The following WNT3A variants were observed in gnomAD, a reference collection of about 807,000 sequenced individuals.
WNT3A encodes Wnt family member 3A, also known as protein Wnt-3a.
WNT3A carries 17 observed loss-of-function variants against 37.0 expected under a neutral mutation model. That is an observed-to-expected ratio of 0.46 (90% CI 0.31 to 0.69). The LOEUF (loss-of-function observed/expected upper bound fraction) is 0.69, where lower values mean the gene tolerates loss of function less well. WNT3A is among the 30% of genes least tolerant of loss of function. WNT3A has a pLI of 0.05. For synonymous variants in WNT3A, 187 were observed against 211.0 expected (o/e 0.89, Z 0.99); for missense variants, 411 against 510.2 (o/e 0.81, Z 1.87).
At chr1:228,057,288 G>A (rs1395876954) in intron 3 of WNT3A, among the ~76,000 whole-genome samples, 1 of 152,160 alleles carries the variant, frequency 6.6e-6, no homozygotes, top group Non-Finnish European at 1.5e-5. Flanking sequence ...GTGTGGTGGA[G>A]TAAGGAGAGA....
At chr1:228,052,194 G>C (rs557621944) in intron 3 of WNT3A, among the ~76,000 whole-genome samples, 1 of 152,194 alleles carries the variant, frequency 6.6e-6, no homozygotes, top group South Asian at 2.1e-4. Context: ...GGTCTTGCTG[G>C]ATACAGTGGC....
rs764847553 is a variant in WNT3A at position 228,007,090 on chromosome 1, G to C, written c.-39G>C. ...GGCCCCCCCCGGCGCTCACGCTCTC[G>C]GGGCGGACTCCCGGCCCTCCGCGCC... On this transcript the variant is annotated 5_prime_UTR_variant, in exon 1 of 4. Coordinates refer to ENST00000284523, the MANE Select transcript of WNT3A (RefSeq NM_033131.4). This position sits in a 1 kb window ranked among gnomAD's most constrained non-coding sequence, Gnocchi z 6.0. 9 of 1,491,388 alleles carry C rather than the reference G, an allele frequency of 6.0e-6. No individual in the cohort carries two copies. Among genetic ancestry groups the C allele is most frequent in the African/African-American group, 1.5e-5 (1 of 68,280 alleles). The allele number at this position is 1,491,388 out of a possible 1,614,324, so 92.4% of individuals were successfully genotyped here.
Position 228,037,736 on chromosome 1 carries a change from G to A in WNT3A, c.314-12920G>A, listed in dbSNP as rs1270021087. Among the ~76,000 whole-genome samples, 1 of 152,212 alleles carries A rather than the reference G, an allele frequency of 6.6e-6. No individual in the cohort carries two copies. The highest frequency in any genetic ancestry group is 1.9e-4 in the East Asian group (1 of 5,186). ...TCATTAACTCTCCCCAGTGGGAGGGGAACCCCGGCCGACTCCCCGCCGCGT... is the reference window on the plus strand; with the variant it reads ...TCATTAACTCTCCCCAGTGGGAGGGAAACCCCGGCCGACTCCCCGCCGCGT... On this transcript the variant is annotated intron_variant, in intron 2 of 3. Transcript: ENST00000284523. The surrounding 1 kb of genome is among the most constrained non-coding windows in gnomAD (Gnocchi z 4.1).
chr1:228,047,853 T>C (rs2031459901), intron 2 of WNT3A, among the ~76,000 whole-genome samples: 1 of 151,862 alleles, frequency 6.6e-6, no homozygotes, highest in African/African-American at 2.4e-5. Context: ...TTGCAAGAAC[T>C]CACTCATAAT....
At chr1:228,054,627 C>CAAAAAAA (rs61497242) in intron 3 of WNT3A, among the ~76,000 whole-genome samples, 2 of 58,520 alleles carry the variant, frequency 3.4e-5, no homozygotes, top group African/African-American at 6.4e-5. Flanking sequence ...GACTCTGTCT[C>CAAAAAAA]AAAAAAAAAA....
At position 228,038,840 on chromosome 1, in the gene WNT3A, G is replaced by A. The variant is rs2031206166; in HGVS notation, c.314-11816G>A. 6.6e-6 allele frequency among the ~76,000 whole-genome samples: 1 copy of A among 152,216 alleles called. No individual in the cohort carries two copies. The highest frequency in any genetic ancestry group is 1.9e-4 in the East Asian group (1 of 5,194). On this transcript the variant is annotated intron_variant, in intron 2 of 3. Coordinates refer to ENST00000284523, the MANE Select transcript of WNT3A (RefSeq NM_033131.4). This position sits in a 1 kb window ranked among gnomAD's most constrained non-coding sequence, Gnocchi z 5.7. ...GTGCATGGAAAGGGCTGGCAGATCA[G>A]GCAGGGGGAAGGCCTGTGGGGTGGG... is the stretch of plus-strand genomic sequence containing the variant.
At chr1:228,026,809 G>T (rs555960640) in intron 2 of WNT3A, among the ~76,000 whole-genome samples, 13 of 152,282 alleles carry the variant, frequency 8.5e-5, no homozygotes, top group African/African-American at 2.9e-4. Flanking sequence ...GTTAATGTCT[G>T]AGTAGTATTC....
chr1:228,017,816 C>T (rs1385865585), intron 1 of WNT3A, among the ~76,000 whole-genome samples: 1 of 152,186 alleles, frequency 6.6e-6, no homozygotes, highest in Admixed American at 6.5e-5. Context: ...GAGGTGGCAG[C>T]CTGGCCTTCA....
chr1:228,014,698 G>A (rs777162977), intron 1 of WNT3A, among the ~76,000 whole-genome samples: 2 of 152,252 alleles, frequency 1.3e-5, no homozygotes, highest in Middle Eastern at 3.2e-3. Context: ...AAACCAAGCC[G>A]GGGAGGCCAG....
At chr1:228,052,138 G>A (rs912874945) in intron 3 of WNT3A, among the ~76,000 whole-genome samples, 2 of 152,076 alleles carry the variant, frequency 1.3e-5, no homozygotes, top group African/African-American at 4.8e-5. Flanking sequence ...TCTTAATGCT[G>A]TCACCTTGAG....
At chr1:228,041,152 A>G (rs2102774408) in intron 2 of WNT3A, among the ~76,000 whole-genome samples, 1 of 152,102 alleles carries the variant, frequency 6.6e-6, no homozygotes, top group South Asian at 2.1e-4. Flanking sequence ...TGAAAAGCCC[A>G]TTAAATCCAA....
intron 3 of WNT3A, among the ~76,000 whole-genome samples, chr1:228,053,746 A>T (rs2031608653): frequency 6.6e-6 from 1 of 152,244 alleles, no homozygotes; most frequent in Admixed American, 6.5e-5. Flanking sequence ...GTTATGAGTC[A>T]TCAAGAAAAT....
At chr1:228,041,642 A>G (rs1571808289) in intron 2 of WNT3A, among the ~76,000 whole-genome samples, 1 of 151,108 alleles carries the variant, frequency 6.6e-6, no homozygotes, top group Non-Finnish European at 1.5e-5. Flanking sequence ...ATTATTCATC[A>G]CCCTCCCATC....
chr1:228,049,319 G>T (rs2031492476), intron 2 of WNT3A, among the ~76,000 whole-genome samples: 1 of 152,130 alleles, frequency 6.6e-6, no homozygotes, highest in South Asian at 2.1e-4. Context: ...ATTAGCTCTT[G>T]TCTGGTTTTA....
chr1:228,015,433 G>A (rs1253904796), intron 1 of WNT3A, among the ~76,000 whole-genome samples: 1 of 152,218 alleles, frequency 6.6e-6, no homozygotes, highest in Admixed American at 6.5e-5. Context: ...GCTGGACGTG[G>A]GAAACATGGA....
In WNT3A at chr1:228,050,588, C is replaced by A. The variant is rs1250106139; in HGVS notation, c.314-68C>A. ...TATAACAATGCAAATGGGCTAAGACCCCTGACCTGCCCAAGGCGGTCCTTT... is the reference window on the plus strand; with the variant it reads ...TATAACAATGCAAATGGGCTAAGACACCTGACCTGCCCAAGGCGGTCCTTT... On this transcript the variant is annotated intron_variant, in intron 2 of 3. Transcript: ENST00000284523. The surrounding 1 kb of genome is among the most constrained non-coding windows in gnomAD (Gnocchi z 5.0). The A allele has an allele frequency of 1.3e-6, 2 of 1,512,682 alleles. No individual in the cohort carries two copies. Among genetic ancestry groups the A allele is most frequent in the East Asian group, 2.3e-5 (1 of 43,724 alleles). The allele number at this position is 1,512,682 out of a possible 1,614,324, so 93.7% of individuals were successfully genotyped here. A position where few individuals can be genotyped will look rare whatever the true frequency, so the allele number is the denominator to read the frequency against.
At chr1:228,055,082 TGA>T (rs1358099625) in intron 3 of WNT3A, among the ~76,000 whole-genome samples, 1 of 140,686 alleles carries the variant, frequency 7.1e-6, no homozygotes, top group East Asian at 2.1e-4. Flanking sequence ...TGTGGTGAGC[TGA>T]GAGTGCACCA....
At chr1:228,034,215 T>C (rs2031083460) in intron 2 of WNT3A, among the ~76,000 whole-genome samples, 3 of 152,078 alleles carry the variant, frequency 2.0e-5, no homozygotes. Flanking sequence ...TGAGCTGAGA[T>C]CACACCACTA....
chr1:228,059,716 C>T lies in WNT3A; in HGVS notation c.*251C>T, dbSNP rs2031756575. On this transcript the variant is annotated 3_prime_UTR_variant, in exon 4 of 4. Transcript: ENST00000284523. ...CGGAGCTCCAGGATGGGGAGGGGCT[C>T]TGCGTTGGCTTCTCCCTGGGGACGG... 1 of 1,319,440 alleles carries T rather than the reference C, an allele frequency of 7.6e-7. No homozygotes were observed. Among genetic ancestry groups the T allele is most frequent in the Non-Finnish European group, 9.6e-7 (1 of 1,040,052 alleles). 81.7% of individuals were successfully genotyped at this position (1,319,440 alleles called of 1,614,324 possible).
Sources: allele counts gnomAD v4.1 joint callset (sites outside exome capture counted in the v4.1 genomes callset), GRCh38; gene constraint gnomAD v4.1.1; non-coding constraint Gnocchi (gnomAD v3.1); transcripts MANE v1.5; gene names NCBI Gene and HGNC (gene_info 2026-07-23, HGNC 2026-07-21).